The following CPNE4 variants were observed in gnomAD, a reference collection of about 807,000 sequenced individuals.
The protein encoded by CPNE4 is copine 4.
In CPNE4, 25 loss-of-function variants were observed where a neutral mutation model predicts 67.9. That is an observed-to-expected ratio of 0.37 (90% CI 0.27 to 0.51). The LOEUF (loss-of-function observed/expected upper bound fraction) is 0.51. CPNE4 is among the 20% of genes least tolerant of loss of function. The pLI, the probability that CPNE4 is intolerant of heterozygous loss-of-function variation, is 0.93. For missense variants in CPNE4, 464 were observed against 690.8 expected, an observed-to-expected ratio of 0.67 and a Z score of 3.68; for synonymous variants, 242 against 244.9, an observed-to-expected ratio of 0.99 and a Z score of 0.11.
chr3:131,597,772 C>A (rs1290135497), intron 7 of CPNE4, among the ~76,000 whole-genome samples: 2 of 152,056 alleles, frequency 1.3e-5, no homozygotes, highest in African/African-American at 4.8e-5. Flanking sequence ...CTATGTAATC[C>A]ATTTATATTT....
intron 3 of CPNE4, among the ~76,000 whole-genome samples, chr3:131,722,106 TG>T (rs770383966): frequency 6.6e-6 from 1 of 152,180 alleles, no homozygotes; most frequent in Non-Finnish European, 1.5e-5. Flanking sequence ...TAGTGCTCAC[TG>T]GGAGAAATTT....
chr3:131,934,334 G>A (rs2071156639), intron 1 of CPNE4, among the ~76,000 whole-genome samples: 1 of 152,124 alleles, frequency 6.6e-6, no homozygotes, highest in Admixed American at 6.5e-5. Context: ...AGATAAGAAA[G>A]TAGAAGCAGC....
intron 1 of CPNE4, among the ~76,000 whole-genome samples, chr3:132,023,656 T>G (rs1488588534): frequency 1.3e-5 from 2 of 151,966 alleles, no homozygotes; most frequent in East Asian, 3.9e-4. Flanking sequence ...CCCGGCTAAT[T>G]TTTTGTATTT....
chr3:131,599,598 T>G (rs905148859), intron 7 of CPNE4, among the ~76,000 whole-genome samples: 43 of 152,262 alleles, frequency 2.8e-4, no homozygotes, highest in East Asian at 7.7e-4. Flanking sequence ...CAAAATTACA[T>G]AGATGTAATT....
At chr3:132,009,067 C>T (rs543464961) in intron 1 of CPNE4, among the ~76,000 whole-genome samples, 5 of 152,154 alleles carry the variant, frequency 3.3e-5, no homozygotes, top group African/African-American at 4.8e-5. Context: ...TGGGTCACTG[C>T]GGAGCTGCCC....
At chr3:132,026,133 C>T (rs6439336) in intron 1 of CPNE4, among the ~76,000 whole-genome samples, 97,908 of 152,010 alleles carry the variant, frequency 0.64, 32,260 homozygotes, top group South Asian at 0.73. Flanking sequence ...TGAGAGCAGG[C>T]GTAGAATAGA....
chr3:132,019,903 G>A (rs1412988284), intron 1 of CPNE4, among the ~76,000 whole-genome samples: 1 of 152,146 alleles, frequency 6.6e-6, no homozygotes, highest in African/African-American at 2.4e-5. Flanking sequence ...GTGCCCACTA[G>A]CCCTACAGCC....
At chr3:131,578,998 C>T (rs567185274) in intron 9 of CPNE4, among the ~76,000 whole-genome samples, 14 of 152,132 alleles carry the variant, frequency 9.2e-5, no homozygotes, top group African/African-American at 2.7e-4. Flanking sequence ...CACTAAACAA[C>T]GGATTTTCAT....
chr3:131,926,585 T>G (rs1042276709), intron 1 of CPNE4, among the ~76,000 whole-genome samples: 2 of 152,148 alleles, frequency 1.3e-5, no homozygotes, highest in Non-Finnish European at 2.9e-5. Context: ...CTTATATCCC[T>G]GAGTCAGTTA....
chr3:131,582,383 G>A (rs1464078822), intron 8 of CPNE4, among the ~76,000 whole-genome samples: 1 of 152,092 alleles, frequency 6.6e-6, no homozygotes. Flanking sequence ...AGATTTAATG[G>A]GACAAAACCA....
intron 12 of CPNE4, among the ~76,000 whole-genome samples, chr3:131,554,720 T>C (rs1936369012): frequency 6.6e-6 from 1 of 151,980 alleles, no homozygotes; most frequent in South Asian, 2.1e-4. Context: ...ACACAGCCAG[T>C]AAAAGAGAAA....
chr3:131,656,188 G>C (rs901679320), intron 7 of CPNE4, among the ~76,000 whole-genome samples: 16 of 151,678 alleles, frequency 1.1e-4, no homozygotes, highest in Non-Finnish European at 2.1e-4. Flanking sequence ...GGCTGGTGGA[G>C]GGAAAGTTAT....
chr3:131,899,677 A>G (rs183208978), intron 2 of CPNE4, among the ~76,000 whole-genome samples: 103 of 152,256 alleles, frequency 6.8e-4, no homozygotes, highest in African/African-American at 2.3e-3. Flanking sequence ...ATATACGTAA[A>G]TTAACTAATA....
chr3:131,713,476 T>C (rs550946221), intron 3 of CPNE4, among the ~76,000 whole-genome samples: 191 of 152,018 alleles, frequency 1.3e-3, no homozygotes, highest in African/African-American at 4.5e-3. Context: ...TGAGAATGTG[T>C]GGAGAGATGC....
intron 2 of CPNE4, among the ~76,000 whole-genome samples, chr3:131,816,002 G>A (rs947330216): frequency 1.3e-5 from 2 of 152,178 alleles, no homozygotes; most frequent in Non-Finnish European, 2.9e-5. Flanking sequence ...TATAAACTAA[G>A]TTCTTCCCAT....
At chr3:131,663,293 A>T (rs2080173710) in intron 7 of CPNE4, among the ~76,000 whole-genome samples, 1 of 151,828 alleles carries the variant, frequency 6.6e-6, no homozygotes, top group Non-Finnish European at 1.5e-5. Flanking sequence ...GGGGAACATC[A>T]TACATCGGGG....
chr3:131,907,300 C>G (rs138734309), intron 1 of CPNE4, among the ~76,000 whole-genome samples: 18 of 152,254 alleles, frequency 1.2e-4, no homozygotes, highest in African/African-American at 3.1e-4. Flanking sequence ...ATGGCTTCCT[C>G]AACCTCACAT....
At chr3:131,724,150 G>C (rs1446169331) in intron 2 of CPNE4, among the ~76,000 whole-genome samples, 1 of 152,016 alleles carries the variant, frequency 6.6e-6, no homozygotes, top group Non-Finnish European at 1.5e-5. Flanking sequence ...GTGCTATGTA[G>C]GTGTCTCATT....
chr3:131,651,066 G>A (rs1272951991), intron 7 of CPNE4, among the ~76,000 whole-genome samples: 2 of 152,132 alleles, frequency 1.3e-5, no homozygotes, highest in Admixed American at 1.3e-4. Context: ...AAGAGAAAAT[G>A]TTGAGGAAAG....
Sources: allele counts gnomAD v4.1 joint callset (sites outside exome capture counted in the v4.1 genomes callset), GRCh38; gene constraint gnomAD v4.1.1; transcripts MANE v1.5; gene names NCBI Gene and HGNC (gene_info 2026-07-23, HGNC 2026-07-21).